Variants in PTPRG observed in about 807,000 individuals in gnomAD.
The protein encoded by PTPRG is receptor-type tyrosine-protein phosphatase gamma.
Under a neutral mutation model 165.3 loss-of-function variants are expected in PTPRG, and 102 were observed. That is an observed-to-expected ratio of 0.62 (90% CI 0.53 to 0.73). PTPRG has a LOEUF of 0.73. Ranked by LOEUF, PTPRG falls within the 30% of genes least tolerant of loss-of-function variation. The pLI is 0.00. For synonymous variants in PTPRG, 675 were observed against 669.5 expected, an observed-to-expected ratio of 1.01 and a Z score of -0.13; for missense variants, 1,866 against 1,861.4, an observed-to-expected ratio of 1.00 and a Z score of -0.05.
At chr3:61,886,510 G>A (rs2038042284) in intron 2 of PTPRG, among the ~76,000 whole-genome samples, 1 of 152,158 alleles carries the variant, frequency 6.6e-6, no homozygotes, top group African/African-American at 2.4e-5. Flanking sequence ...GGATATTGAT[G>A]TCTGATGTTG....
Position 62,017,869 on chromosome 3 carries a change from C to T in PTPRG, c.519+14372C>T, listed in dbSNP as rs145190594. ...CTGTTAATATGTACATGAGCAATTA[C>T]TGTAGCAGAGTTAAAAGGTGTGCCT... On this transcript the variant is annotated intron_variant, in intron 4 of 29. Transcript: ENST00000474889. 2.0e-5 allele frequency among the ~76,000 whole-genome samples: 3 copies of T among 152,286 alleles called. No homozygotes were observed. The East Asian group carries it at 5.8e-4, about 29-fold the overall frequency.
chr3:61,807,253 G>A (rs1431011072), intron 2 of PTPRG, among the ~76,000 whole-genome samples: 1 of 152,138 alleles, frequency 6.6e-6, no homozygotes, highest in African/African-American at 2.4e-5. Context: ...GATAAGAAAG[G>A]ATTACCACTC....
chr3:62,107,813 A>G (rs1437587679), intron 5 of PTPRG, among the ~76,000 whole-genome samples: 1 of 136,226 alleles, frequency 7.3e-6, no homozygotes, highest in Non-Finnish European at 1.6e-5. Context: ...TGTACTAACT[A>G]CTTACTAAAT....
chr3:61,993,004 T>G (rs2040934422), intron 3 of PTPRG, among the ~76,000 whole-genome samples: 1 of 152,086 alleles, frequency 6.6e-6, no homozygotes, highest in African/African-American at 2.4e-5. Context: ...AGTTCATAAA[T>G]TTTTTAGAAT....
chr3:61,797,581 A>ACCACCCCCCCCCCCC (rs2035088327), intron 2 of PTPRG, among the ~76,000 whole-genome samples: 3 of 127,376 alleles, frequency 2.4e-5, no homozygotes, highest in African/African-American at 6.0e-5. Context: ...TTATCTCCAC[A>ACCACCCCCCCCCCCC]CCCCCCCCCA....
chr3:62,061,778 G>A (rs1021108470), intron 4 of PTPRG, among the ~76,000 whole-genome samples: 12 of 88,792 alleles, frequency 1.4e-4, no homozygotes, highest in Non-Finnish European at 2.3e-4. Flanking sequence ...ATAGGCGCCC[G>A]CCACCACACC....
At chr3:61,923,014 T>A (rs1205558321) in intron 2 of PTPRG, among the ~76,000 whole-genome samples, 1 of 152,186 alleles carries the variant, frequency 6.6e-6, no homozygotes, top group Non-Finnish European at 1.5e-5. Flanking sequence ...TGAATTTTCT[T>A]CATAAAGATT....
chr3:61,595,011 G>A (rs1700662108), intron 1 of PTPRG, among the ~76,000 whole-genome samples: 1 of 151,974 alleles, frequency 6.6e-6, no homozygotes. Context: ...TTCCTCTCCG[G>A]ATGAAAAGCG....
intron 6 of PTPRG, among the ~76,000 whole-genome samples, chr3:62,135,047 T>C (rs1437918203): frequency 6.6e-6 from 1 of 151,514 alleles, no homozygotes; most frequent in Non-Finnish European, 1.5e-5. Flanking sequence ...CTGAGGTGGG[T>C]GAATCACTTG....
intron 1 of PTPRG, among the ~76,000 whole-genome samples, chr3:61,618,115 C>T (rs780265096): frequency 4.6e-5 from 7 of 151,916 alleles, no homozygotes; most frequent in African/African-American, 1.5e-4. Context: ...ACACTGAAGC[C>T]GTGTGCTTTT....
rs1287861300 is a variant in PTPRG, at chr3:61,738,313, C to CAT, written c.86-10542_86-10541dup. On this transcript the variant is annotated intron_variant, in intron 1 of 29. Transcript: ENST00000474889. ...ATATATATATATATATATATATATA[C>CAT]ATATATATATATATATATATATATG... Among the ~76,000 whole-genome samples the CAT allele has an allele frequency of 6.4e-4, 49 of 76,182 alleles. 2 individuals carry two copies. In the South Asian group the frequency reaches 9.0e-3, roughly 14 times the overall value. 50.0% of individuals were successfully genotyped at this position (76,182 alleles called of 152,430 possible).
At chr3:61,949,982 A>G (rs1346541746) in intron 2 of PTPRG, among the ~76,000 whole-genome samples, 1 of 152,076 alleles carries the variant, frequency 6.6e-6, no homozygotes, top group East Asian at 1.9e-4. Context: ...TCTTGACCTC[A>G]TGATCCGCCT....
chr3:61,781,685 T>C (rs1419047562), intron 2 of PTPRG, among the ~76,000 whole-genome samples: 1 of 152,178 alleles, frequency 6.6e-6, no homozygotes, highest in African/African-American at 2.4e-5. Flanking sequence ...GATTTTTCAA[T>C]TGAATTATTA....
chr3:62,155,550 C>T (rs576960958), intron 6 of PTPRG, among the ~76,000 whole-genome samples: 1 of 152,286 alleles, frequency 6.6e-6, no homozygotes, highest in East Asian at 1.9e-4. Context: ...AGAACAGGGC[C>T]TCTTGCATAT....
In PTPRG at chr3:62,094,673, A is replaced by G. The variant is rs551801756; in HGVS notation, c.615+16415A>G. 1.1e-4 allele frequency among the ~76,000 whole-genome samples: 16 copies of G among 152,332 alleles called. 1 individual carries two copies. The South Asian group carries it at 2.9e-3, about 28-fold the overall frequency. The stretch of plus-strand genomic sequence containing the variant: ...GCACCTGCTGAGTTGCTCAGTACCC[A>G]GAGCCAGTTCTCTTCTAGTCCAACG... On this transcript the variant is annotated intron_variant, in intron 5 of 29. Transcript: ENST00000474889.
intron 1 of PTPRG, among the ~76,000 whole-genome samples, chr3:61,715,857 C>CT (rs11328575): frequency 3.1e-3 from 448 of 145,256 alleles, no homozygotes; most frequent in African/African-American, 9.5e-3. Context: ...CCACCAATGG[C>CT]TTTTTTTTTT....
intron 1 of PTPRG, among the ~76,000 whole-genome samples, chr3:61,710,614 A>AT (rs561429742): frequency 1.9e-3 from 280 of 145,334 alleles, no homozygotes; most frequent in African/African-American, 5.6e-3. Context: ...GTTTTTTTGC[A>AT]TTTTTTTTTT....
chr3:61,684,437 A>G (rs1300544366), intron 1 of PTPRG, among the ~76,000 whole-genome samples: 1 of 152,216 alleles, frequency 6.6e-6, no homozygotes, highest in African/African-American at 2.4e-5. Flanking sequence ...TTTTAAAAAT[A>G]TAGTCATTTC....
At chr3:62,206,370 C>T (rs1700230502) in intron 12 of PTPRG, among the ~76,000 whole-genome samples, 1 of 152,080 alleles carries the variant, frequency 6.6e-6, no homozygotes, top group South Asian at 2.1e-4. Flanking sequence ...GTCAGATCAA[C>T]CCAGTTGGCT....
Sources: gnomAD v4.1 joint callset for allele counts (sites outside exome capture counted in the v4.1 genomes callset) on GRCh38, gnomAD v4.1.1 for gene constraint, MANE v1.5 for transcripts, NCBI Gene and HGNC (gene_info 2026-07-23, HGNC 2026-07-21) for gene names.